HIVEP3: variants seen among roughly 807,000 people sequenced by gnomAD.
The protein encoded by HIVEP3 is HIVEP zinc finger 3.
In HIVEP3, 49 loss-of-function variants were observed where a neutral mutation model predicts 152.8. The observed-to-expected ratio is 0.32, with a 90% confidence interval of 0.26 to 0.41. The LOEUF (loss-of-function observed/expected upper bound fraction) is 0.41, where lower values mean the gene tolerates loss of function less well. HIVEP3 is among the 10% of genes least tolerant of loss of function. HIVEP3 has a pLI of 1.00. For missense variants in HIVEP3, 2,790 were observed against 3,103.3 expected, an observed-to-expected ratio of 0.90 and a Z score of 2.40; for synonymous variants, 1,269 against 1,289.0, an observed-to-expected ratio of 0.98 and a Z score of 0.33.
At chr1:41,903,983 A>C (rs1644669619) in intron 1 of HIVEP3, among the ~76,000 whole-genome samples, 1 of 145,500 alleles carries the variant, frequency 6.9e-6, no homozygotes, top group Admixed American at 7.0e-5. Context: ...CACTGCAGCC[A>C]CCTCCTGGGT....
intron 1 of HIVEP3, among the ~76,000 whole-genome samples, chr1:41,999,923 T>G (rs958457672): frequency 1.3e-5 from 2 of 152,140 alleles, no homozygotes; most frequent in Non-Finnish European, 2.9e-5. Context: ...GAGGCCATAT[T>G]AGGGAATTCT....
chr1:41,631,489 C>CT, intron 2 of HIVEP3, among the ~76,000 whole-genome samples: 1 of 152,198 alleles, frequency 6.6e-6, no homozygotes, highest in Non-Finnish European at 1.5e-5. Flanking sequence ...GCACTGTTAC[C>CT]TTTCTCCTCT....
chr1:41,809,777 A>G (rs1015875366), intron 1 of HIVEP3, among the ~76,000 whole-genome samples: 2 of 152,176 alleles, frequency 1.3e-5, no homozygotes, highest in African/African-American at 2.4e-5. Flanking sequence ...CACTCAGTAA[A>G]CACATGGGGA....
chr1:41,823,288 T>G (rs1436484193), intron 1 of HIVEP3, among the ~76,000 whole-genome samples: 2 of 152,258 alleles, frequency 1.3e-5, no homozygotes, highest in Non-Finnish European at 1.5e-5. Context: ...CATGCTGTTA[T>G]GACAGCCTGA....
intron 2 of HIVEP3, among the ~76,000 whole-genome samples, chr1:41,699,491 G>A (rs1266546180): frequency 6.6e-6 from 1 of 152,208 alleles, no homozygotes; most frequent in Non-Finnish European, 1.5e-5. Context: ...AAGGCTTCAG[G>A]GGCCTTGGGA....
chr1:41,672,687 T>A (rs1390561360), intron 2 of HIVEP3, among the ~76,000 whole-genome samples: 1 of 152,142 alleles, frequency 6.6e-6, no homozygotes, highest in Non-Finnish European at 1.5e-5. Context: ...CTCAGTCCTC[T>A]CCCACCAGGT....
intron 1 of HIVEP3, among the ~76,000 whole-genome samples, chr1:41,912,306 C>T (rs1644809229): frequency 6.6e-6 from 1 of 152,100 alleles, no homozygotes; most frequent in Non-Finnish European, 1.5e-5. Context: ...ATTCTTTAGA[C>T]CTTTCTACAC....
chr1:41,545,016 A>ACCATCACCACCT lies in HIVEP3; in HGVS notation c.5208-20107_5208-20106insAGGTGGTGATGG, dbSNP rs1558047385. ...CATCGCTACCATCACCACCACCACC[A>ACCATCACCACCT]CTACCACCACCACCACCACCAATAC... On this transcript the variant is annotated intron_variant, in intron 5 of 8. Coordinates refer to ENST00000372583, the MANE Select transcript of HIVEP3 (RefSeq NM_024503.5). 3.8e-5 allele frequency among the ~76,000 whole-genome samples: 4 copies of ACCATCACCACCT among 105,660 alleles called. 2 individuals carry two copies. The highest frequency in any genetic ancestry group is 8.5e-5 in the Non-Finnish European group (4 of 47,268). 69.3% of individuals were successfully genotyped at this position (105,660 alleles called of 152,430 possible).
intron 1 of HIVEP3, among the ~76,000 whole-genome samples, chr1:41,877,222 A>G (rs934408912): frequency 6.6e-6 from 1 of 152,224 alleles, no homozygotes; most frequent in Admixed American, 6.5e-5. Flanking sequence ...TTCACACAAC[A>G]GAGGAACAGA....
intron 2 of HIVEP3, among the ~76,000 whole-genome samples, chr1:41,697,682 C>A (rs1297427807): frequency 1.3e-5 from 2 of 152,188 alleles, no homozygotes; most frequent in Admixed American, 6.5e-5. Context: ...TCTGCAACGC[C>A]AGATGCCCTG....
At chr1:41,939,166 A>G (rs764674145) in intron 1 of HIVEP3, among the ~76,000 whole-genome samples, 8 of 152,008 alleles carry the variant, frequency 5.3e-5, no homozygotes, top group Non-Finnish European at 1.0e-4. Context: ...TTTTATTGTG[A>G]TATATATTTT....
At chr1:41,983,990 G>C (rs1645308523) in intron 1 of HIVEP3, among the ~76,000 whole-genome samples, 1 of 151,922 alleles carries the variant, frequency 6.6e-6, no homozygotes, top group Non-Finnish European at 1.5e-5. Flanking sequence ...GAGAGAGAGA[G>C]AGACAGCATT....
At chr1:41,961,955 A>C (rs1645171987) in intron 1 of HIVEP3, among the ~76,000 whole-genome samples, 1 of 152,274 alleles carries the variant, frequency 6.6e-6, no homozygotes, top group African/African-American at 2.4e-5. Context: ...CCTCAAAAAG[A>C]AGACAATGGA....
chr1:41,580,222 G>A lies in HIVEP3; in HGVS notation c.4576C>T (p.Pro1526Ser). Residue 1526 changes from proline (P) to serine (S), a missense_variant, in exon 4 of 9, where the codon CCA becomes TCA. Physicochemically the swap from Pro to Ser is moderately conservative, Grantham distance 74. Transcript: ENST00000372583. ...PHPALSHGTA[P>S]GSEALKEYPQ... ...TATTCCTTCAAAGCTTCTGAGCCTG[G>A]GGCTGTCCCATGGGACAATGCAGGG... 1 of 1,612,812 alleles carries A rather than the reference G, an allele frequency of 6.2e-7. No homozygotes were observed. Among genetic ancestry groups the A allele is most frequent in the Non-Finnish European group, 8.5e-7 (1 of 1,179,316 alleles).
In HIVEP3 at chr1:41,848,957, C is replaced by A. The variant is rs1036162246; in HGVS notation, c.-801+69456G>T. ...CAGTTTCCCTTCAAGCACCAGTGTC[C>A]TCAACCTCTGGCATGGTATTGGAAT... On this transcript the variant is annotated intron_variant, in intron 1 of 8. Coordinates refer to ENST00000372583, the MANE Select transcript of HIVEP3 (RefSeq NM_024503.5). 58 of 152,456 alleles carry A rather than the reference C, an allele frequency of 3.8e-4. 1 individual carries two copies. The highest frequency in any genetic ancestry group is 5.9e-5 in the Non-Finnish European group (4 of 68,218). The allele number at this position is 152,456 out of a possible 1,614,324, so 9.4% of individuals were successfully genotyped here. A position where few individuals can be genotyped will look rare whatever the true frequency, so the allele number is the denominator to read the frequency against.
chr1:41,792,444 G>A (rs116388519), intron 1 of HIVEP3, among the ~76,000 whole-genome samples: 2,511 of 152,300 alleles, frequency 0.016, 27 homozygotes, highest in African/African-American at 0.023. Flanking sequence ...TCCTCCAGCC[G>A]TGGTGGTGCT....
At chr1:41,591,961 G>A (rs1644594586) in intron 3 of HIVEP3, among the ~76,000 whole-genome samples, 1 of 152,106 alleles carries the variant, frequency 6.6e-6, no homozygotes, top group Non-Finnish European at 1.5e-5. Context: ...GCTGTTTGAG[G>A]TCAATTCCTC....
chr1:41,663,474 G>A (rs1232568614), intron 2 of HIVEP3, among the ~76,000 whole-genome samples: 1 of 152,212 alleles, frequency 6.6e-6, no homozygotes, highest in Non-Finnish European at 1.5e-5. Context: ...GGGATCCTTG[G>A]AGGCTCCAGG....
At position 41,510,940 on chromosome 1, in the gene HIVEP3, C is replaced by A. The variant is rs367663343; in HGVS notation, c.6732G>T (p.Trp2244Cys). Residue 2244 changes from tryptophan to cysteine, a missense_variant, in exon 9 of 9, where the codon TGG becomes TGT. Physicochemically the swap from Trp to Cys is radical, Grantham distance 215. Coordinates refer to ENST00000372583, the MANE Select transcript of HIVEP3 (RefSeq NM_024503.5). ...AGGCTGACGAGCTCTCAGTGGGACT[C>A]CAGCGGCCTCGCTCCTGGGCCTCCC... ...GAREAQERGR[W>C]SPTESSSASV... 3 of 1,613,464 alleles carry A rather than the reference C, an allele frequency of 1.9e-6. No homozygotes were observed. Among genetic ancestry groups the A allele is most frequent in the Non-Finnish European group, 2.5e-6 (3 of 1,179,876 alleles).
Sources: gnomAD v4.1 joint callset for allele counts (sites outside exome capture counted in the v4.1 genomes callset) on GRCh38, gnomAD v4.1.1 for gene constraint, MANE v1.5 for transcripts, NCBI Gene and HGNC (gene_info 2026-07-23, HGNC 2026-07-21) for gene names.